Variants in HIBCH observed in about 807,000 individuals in gnomAD.
HIBCH encodes 3-hydroxyisobutyryl-CoA hydrolase.
HIBCH carries 50 observed loss-of-function variants against 58.2 expected under a neutral mutation model. That is an observed-to-expected ratio of 0.86 (90% CI 0.68 to 1.09). The LOEUF is 1.09. Among genes scored for constraint, HIBCH ranks in the 50% least tolerant of loss-of-function variants. The pLI is 0.00. For synonymous variants in HIBCH, 151 were observed against 146.9 expected (o/e 1.03, Z -0.20); for missense variants, 450 against 449.7 (o/e 1.00, Z -0.01).
intron 7 of HIBCH, among the ~76,000 whole-genome samples, chr2:190,252,820 A>G (rs1357652690): frequency 2.0e-5 from 3 of 152,250 alleles, no homozygotes; most frequent in Admixed American, 1.3e-4. Context: ...ACAGGTTTAT[A>G]CCTAATAAAA....
rs1013016025 is a variant in HIBCH at position 190,304,331 on chromosome 2, T to C, written c.78+6423A>G. Reference sequence around the variant, plus strand: ...TCCAAAGTCAAAAGGATACATCTAGTGAGGGCCTTCTTACTGGTGGGGACT... The same window carrying C: ...TCCAAAGTCAAAAGGATACATCTAGCGAGGGCCTTCTTACTGGTGGGGACT... On this transcript the variant is annotated intron_variant, in intron 2 of 13. Coordinates refer to ENST00000359678, the MANE Select transcript of HIBCH (RefSeq NM_014362.4). The surrounding 1 kb of genome is among the most constrained non-coding windows in gnomAD (Gnocchi z 4.1). Among the ~76,000 whole-genome samples the C allele has an allele frequency of 7.2e-5, 11 of 151,920 alleles. No homozygotes were observed. Among genetic ancestry groups the C allele is most frequent in the Non-Finnish European group, 1.5e-4 (10 of 67,984 alleles).
chr2:190,195,541 C>T (rs1689929641), intron 1 of HIBCH, among the ~76,000 whole-genome samples: 1 of 152,162 alleles, frequency 6.6e-6, no homozygotes, highest in Admixed American at 6.5e-5. Context: ...GTTTATGTGC[C>T]ACCTATATGT....
intron 11 of HIBCH, among the ~76,000 whole-genome samples, chr2:190,225,751 T>G (rs1205242158): frequency 6.6e-6 from 1 of 152,046 alleles, no homozygotes; most frequent in East Asian, 1.9e-4. Flanking sequence ...AAAGAGGGAA[T>G]CCTCCCTAAC....
At chr2:190,289,330 GCACATGACAAAAA>G (rs1687907704) in intron 5 of HIBCH, among the ~76,000 whole-genome samples, 2 of 151,564 alleles carry the variant, frequency 1.3e-5, no homozygotes, top group Admixed American at 1.3e-4. Flanking sequence ...TGTCTAAAAG[GCACATGACAAAAA>G]CTGAATTTAT....
At chr2:190,226,984 A>G (rs1685923094) in intron 11 of HIBCH, among the ~76,000 whole-genome samples, 1 of 152,194 alleles carries the variant, frequency 6.6e-6, no homozygotes, top group East Asian at 1.9e-4. Context: ...AATCAATATC[A>G]TGAAAATGGC....
At position 190,287,459 on chromosome 2, in the gene HIBCH, A is replaced by T. The variant is rs181992562; in HGVS notation, c.438+127T>A. 4,074 of 718,078 alleles carry T rather than the reference A, an allele frequency of 5.7e-3. 20 individuals carry two copies. Among genetic ancestry groups the T allele is most frequent in the Non-Finnish European group, 7.9e-3 (3,210 of 408,028 alleles). The allele number at this position is 718,078 out of a possible 1,614,324, so 44.5% of individuals were successfully genotyped here. A position where few individuals can be genotyped will look rare whatever the true frequency, so the allele number is the denominator to read the frequency against. On this transcript the variant is annotated intron_variant, in intron 6 of 13. Transcript: ENST00000359678. ...TATCTCAAATCTGTCAGGATCCAAAATCCACACAATTATGTTTCAATGAGT... is the reference window on the plus strand; with the variant it reads ...TATCTCAAATCTGTCAGGATCCAAATTCCACACAATTATGTTTCAATGAGT...
chr2:190,304,290 G>C lies in HIBCH; in HGVS notation c.78+6464C>G, dbSNP rs1478152351. Among the ~76,000 whole-genome samples the C allele has an allele frequency of 6.6e-6, 1 of 151,042 alleles. No homozygotes were observed. Among genetic ancestry groups the C allele is most frequent in the African/African-American group, 2.4e-5 (1 of 41,140 alleles). On this transcript the variant is annotated intron_variant, in intron 2 of 13. Coordinates refer to ENST00000359678, the MANE Select transcript of HIBCH (RefSeq NM_014362.4). This position sits in a 1 kb window ranked among gnomAD's most constrained non-coding sequence, Gnocchi z 4.1. ...AAAAAGGAATTTATTCTTTTCCTTAGTTATGGAGGCTGATGTCCAAAGTCA... is the reference window on the plus strand; with the variant it reads ...AAAAAGGAATTTATTCTTTTCCTTACTTATGGAGGCTGATGTCCAAAGTCA...
intron 3 of HIBCH, among the ~76,000 whole-genome samples, chr2:190,295,363 A>T (rs562577229): frequency 6.6e-6 from 1 of 152,322 alleles, no homozygotes; most frequent in East Asian, 1.9e-4. Context: ...GGGATTGGGA[A>T]TTCCTTTATG....
At chr2:190,319,693 T>C in intron 1 of HIBCH, 23 bp downstream of exon 1, 1 of 1,594,548 alleles carries the variant, frequency 6.3e-7, no homozygotes, top group Non-Finnish European at 8.6e-7. Flanking sequence ...AGCCTGCCCT[T>C]GGCCCCTCGC....
At chr2:190,276,680 C>A (rs1281349146) in intron 6 of HIBCH, among the ~76,000 whole-genome samples, 1 of 152,176 alleles carries the variant, frequency 6.6e-6, no homozygotes, top group East Asian at 1.9e-4. Flanking sequence ...TTACCTGAAG[C>A]CCTCACCAGA....
At chr2:190,262,163 CAAAAAAA>C (rs982653583) in intron 6 of HIBCH, among the ~76,000 whole-genome samples, 2 of 91,948 alleles carry the variant, frequency 2.2e-5, no homozygotes, top group African/African-American at 3.9e-5. Context: ...GCGGTAGAGA[CAAAAAAA>C]AAAAAAAGAA....
At chr2:190,226,324 G>A (rs545914516) in intron 11 of HIBCH, among the ~76,000 whole-genome samples, 202 of 152,230 alleles carry the variant, frequency 1.3e-3, no homozygotes, top group Non-Finnish European at 1.9e-3. Context: ...GGCCAGGTGC[G>A]GTGGCTCACG....
intron 6 of HIBCH, among the ~76,000 whole-genome samples, chr2:190,262,163 CAAAA>C (rs982653583): frequency 5.8e-4 from 53 of 91,948 alleles, no homozygotes; most frequent in African/African-American, 1.9e-3. Context: ...GCGGTAGAGA[CAAAA>C]AAAAAAAAAA....
intron 10 of HIBCH, among the ~76,000 whole-genome samples, 158 bp downstream of exon 10, chr2:190,245,989 CAAAAAAA>C (rs527873173): frequency 1.7e-5 from 1 of 60,276 alleles, no homozygotes; most frequent in African/African-American, 5.6e-5. Context: ...GACTCTGTCT[CAAAAAAA>C]AAAAAAAAAA....
rs1431145612 is a variant in HIBCH, at chr2:190,269,105, CG to C, written c.439-7872del. ...ACTTAAGATGGATTAAAGACTTAAA[CG>C]TAAGACCTAAAACCATAAAAACCCT... On this transcript the variant is annotated intron_variant, in intron 6 of 13. Coordinates refer to ENST00000359678, the MANE Select transcript of HIBCH (RefSeq NM_014362.4). 1.3e-4 allele frequency among the ~76,000 whole-genome samples: 20 copies of C among 152,234 alleles called. 1 individual carries two copies. The East Asian group carries it at 3.9e-3, about 29-fold the overall frequency.
intron 6 of HIBCH, among the ~76,000 whole-genome samples, chr2:190,262,867 C>T (rs1687130677): frequency 6.6e-6 from 1 of 152,042 alleles, no homozygotes; most frequent in Admixed American, 6.6e-5. Flanking sequence ...TAATGAAAAA[C>T]TATCAGAATA....
chr2:190,193,973 G>C (rs572833483), intron 1 of HIBCH, among the ~76,000 whole-genome samples: 2 of 151,974 alleles, frequency 1.3e-5, no homozygotes, highest in African/African-American at 4.8e-5. Flanking sequence ...TCAAAATTTT[G>C]ATGTTTTGGC....
chr2:190,285,051 T>C (rs959575449), intron 6 of HIBCH, among the ~76,000 whole-genome samples: 3 of 152,220 alleles, frequency 2.0e-5, no homozygotes, highest in African/African-American at 4.8e-5. Context: ...TTGAATGCTT[T>C]GTGAGAGTTT....
At chr2:190,277,222 C>A (rs1377664480) in intron 6 of HIBCH, among the ~76,000 whole-genome samples, 1 of 152,102 alleles carries the variant, frequency 6.6e-6, no homozygotes, top group Admixed American at 6.5e-5. Flanking sequence ...GAGAACCACT[C>A]AGTAACATTC....
Sources: gnomAD v4.1 joint callset for allele counts (sites outside exome capture counted in the v4.1 genomes callset) on GRCh38, gnomAD v4.1.1 for gene constraint, Gnocchi (gnomAD v3.1) non-coding constraint, MANE v1.5 for transcripts, NCBI Gene and HGNC (gene_info 2026-07-23, HGNC 2026-07-21) for gene names.